Variants in EIPR1 observed in about 807,000 individuals in gnomAD.
EIPR1 encodes EARP and GARP complex-interacting protein 1.
Under a neutral mutation model 48.1 loss-of-function variants are expected in EIPR1, and 25 were observed. The ratio of observed to expected loss-of-function variants is 0.52; its 90% confidence interval spans 0.38 to 0.73. EIPR1 has a LOEUF of 0.73. Ranked by LOEUF, EIPR1 falls within the 30% of genes least tolerant of loss-of-function variation. EIPR1 has a pLI of 0.00. For synonymous variants in EIPR1, 204 were observed against 201.9 expected (o/e 1.01, Z -0.09); for missense variants, 415 against 506.2 (o/e 0.82, Z 1.73).
chr2:3,250,829 C>A (rs1262589165), intron 4 of EIPR1, among the ~76,000 whole-genome samples: 1 of 152,176 alleles, frequency 6.6e-6, no homozygotes, highest in Non-Finnish European at 1.5e-5. Context: ...CAAGTGATGT[C>A]CTGGCTCCCC....
intron 3 of EIPR1, among the ~76,000 whole-genome samples, chr2:3,259,175 T>C (rs1270222716): frequency 6.6e-6 from 1 of 152,124 alleles, no homozygotes; most frequent in African/African-American, 2.4e-5. Context: ...GAACTAATAA[T>C]GGGAGCACTA....
At chr2:3,269,428 A>ACCACACTCAGTCATCGCACTCAGTCATCG (rs1558263414) in intron 3 of EIPR1, among the ~76,000 whole-genome samples, 1 of 26,498 alleles carries the variant, frequency 3.8e-5, no homozygotes, top group African/African-American at 1.7e-4. Flanking sequence ...CTCAATCATC[A>ACCACACTCAGTCATCGCACTCAGTCATCG]CACTCAATCA....
intron 5 of EIPR1, among the ~76,000 whole-genome samples, chr2:3,211,523 C>A (rs1403384551): frequency 1.3e-5 from 2 of 152,212 alleles, no homozygotes; most frequent in East Asian, 1.9e-4. Flanking sequence ...GCTGCAAGGA[C>A]CATGCTGCTG....
rs566231795 is a variant in EIPR1, at chr2:3,336,488, C to T, written c.259+1529G>A. Reference sequence around the variant, plus strand: ...CTGTGAAGTTAAAGTGGAAGAAGGGCCGGGCGCAGTGGCTCACGTCTGTAA... The same window carrying T: ...CTGTGAAGTTAAAGTGGAAGAAGGGTCGGGCGCAGTGGCTCACGTCTGTAA... On this transcript the variant is annotated intron_variant, in intron 3 of 8. Transcript: ENST00000382125. Among the ~76,000 whole-genome samples the T allele has an allele frequency of 5.0e-4, 76 of 152,268 alleles. 1 individual carries two copies. In the East Asian group the frequency reaches 0.014, roughly 28 times the overall value.
intron 4 of EIPR1, among the ~76,000 whole-genome samples, chr2:3,238,339 CTT>C (rs965179111): frequency 6.6e-6 from 1 of 152,166 alleles, no homozygotes; most frequent in Non-Finnish European, 1.5e-5. Context: ...CTGGGCCTCT[CTT>C]GTCTCCCTCC....
At chr2:3,202,832 G>A (rs1326333727) in intron 5 of EIPR1, among the ~76,000 whole-genome samples, 1 of 152,214 alleles carries the variant, frequency 6.6e-6, no homozygotes, top group African/African-American at 2.4e-5. Flanking sequence ...TTAAGGACTC[G>A]TCTAGATTTT....
At chr2:3,222,365 A>G (rs1665923489) in intron 4 of EIPR1, among the ~76,000 whole-genome samples, 1 of 152,282 alleles carries the variant, frequency 6.6e-6, no homozygotes, top group Non-Finnish European at 1.5e-5. Flanking sequence ...ATACTTCTCT[A>G]TGAAAAAGCT....
chr2:3,329,062 T>C, intron 3 of EIPR1, among the ~76,000 whole-genome samples: 1 of 105,502 alleles, frequency 9.5e-6, no homozygotes, highest in Non-Finnish European at 1.9e-5. Context: ...GCTCTAATGA[T>C]CTCAGGGCAC....
At position 3,194,019 on chromosome 2, in the gene EIPR1, G is replaced by T. The variant is rs150290462; in HGVS notation, c.801C>A (p.Thr267=). The T allele has an allele frequency of 1.6e-4, 256 of 1,613,602 alleles. No individual in the cohort carries two copies. Among genetic ancestry groups the T allele is most frequent in the Non-Finnish European group, 2.1e-4 (243 of 1,179,994 alleles). Residue 267 remains threonine (T), a synonymous_variant, in exon 7 of 9, where the codon ACC becomes ACA. Coordinates refer to ENST00000382125, the MANE Select transcript of EIPR1 (RefSeq NM_003310.5). ...CCTACCAGTGGGAGTGCTCCTCCAGGGTCTTCACGGGTTCGGTGACATTTC... is the reference window on the plus strand; with the variant it reads ...CCTACCAGTGGGAGTGCTCCTCCAGTGTCTTCACGGGTTCGGTGACATTTC... The part of the protein sequence containing the change: ...DTRNVTEPVK[T]LEEHSHWVWN...
At position 3,354,315 on chromosome 2, in the gene EIPR1, A is replaced by G. The variant is rs575051835; in HGVS notation, c.126+235T>C. Among the ~76,000 whole-genome samples the G allele has an allele frequency of 5.9e-5, 9 of 152,374 alleles. No homozygotes were observed. The South Asian group carries it at 1.9e-3, about 32-fold the overall frequency. On this transcript the variant is annotated intron_variant, in intron 2 of 8. Coordinates refer to ENST00000382125, the MANE Select transcript of EIPR1 (RefSeq NM_003310.5). The stretch of plus-strand genomic sequence containing the variant: ...CAAATCTATATAACCACAAGAGCCA[A>G]ACAAGACTACGGAAGTCATGCCAAA...
At chr2:3,363,863 A>G (rs1319358031) in intron 1 of EIPR1, among the ~76,000 whole-genome samples, 1 of 152,052 alleles carries the variant, frequency 6.6e-6, no homozygotes, top group Non-Finnish European at 1.5e-5. Context: ...ATCTGAATAG[A>G]CATTTCTCAA....
chr2:3,295,043 A>C (rs1668507921), intron 3 of EIPR1, among the ~76,000 whole-genome samples: 1 of 103,168 alleles, frequency 9.7e-6, no homozygotes, highest in Non-Finnish European at 1.9e-5. Flanking sequence ...TACACCCTCC[A>C]TCCAGGCCAT....
chr2:3,258,873 A>G (rs181022975), intron 3 of EIPR1, among the ~76,000 whole-genome samples: 1 of 152,292 alleles, frequency 6.6e-6, no homozygotes, highest in East Asian at 1.9e-4. Flanking sequence ...CACACTTCCA[A>G]CTTTACAAAA....
At chr2:3,348,938 C>CTGT (rs930661368) in intron 2 of EIPR1, among the ~76,000 whole-genome samples, 10 of 152,222 alleles carry the variant, frequency 6.6e-5, no homozygotes, top group Admixed American at 2.6e-4. Context: ...CTCTCCTGGT[C>CTGT]TGTGCACATG....
intron 1 of EIPR1, among the ~76,000 whole-genome samples, chr2:3,376,223 T>G (rs1659877459): frequency 6.6e-6 from 1 of 152,260 alleles, no homozygotes; most frequent in African/African-American, 2.4e-5. Flanking sequence ...TTAACTCATT[T>G]AATTTCATAA....
At chr2:3,296,103 T>C (rs1258342991) in intron 3 of EIPR1, among the ~76,000 whole-genome samples, 1 of 117,032 alleles carries the variant, frequency 8.5e-6, no homozygotes, top group Non-Finnish European at 1.7e-5. Context: ...GCCCATCCTC[T>C]CTACACACAC....
At chr2:3,200,921 G>A (rs1291851607) in intron 5 of EIPR1, among the ~76,000 whole-genome samples, 1 of 152,180 alleles carries the variant, frequency 6.6e-6, no homozygotes, top group African/African-American at 2.4e-5. Context: ...TGGGCTATGG[G>A]CAGGGAGGTG....
intron 3 of EIPR1, among the ~76,000 whole-genome samples, chr2:3,303,828 G>A (rs1668832422): frequency 6.6e-6 from 1 of 152,146 alleles, no homozygotes; most frequent in Non-Finnish European, 1.5e-5. Flanking sequence ...TGGGAGGACC[G>A]GGAATCACAG....
At chr2:3,246,821 G>GGGAGGA (rs1666818134) in intron 4 of EIPR1, among the ~76,000 whole-genome samples, 1 of 33,602 alleles carries the variant, frequency 3.0e-5, no homozygotes, top group African/African-American at 1.3e-4. Flanking sequence ...GGGAGGGAGG[G>GGGAGGA]AGGAAGGGAG....
Sources: allele counts gnomAD v4.1 joint callset (sites outside exome capture counted in the v4.1 genomes callset), GRCh38; gene constraint gnomAD v4.1.1; transcripts MANE v1.5; gene names NCBI Gene and HGNC (gene_info 2026-07-23, HGNC 2026-07-21).